Variants in PRKCE observed in about 807,000 individuals in gnomAD.
PRKCE encodes the protein protein kinase C epsilon, also known as protein kinase C epsilon type.
In PRKCE, 16 loss-of-function variants were observed where a neutral mutation model predicts 85.4. That is an observed-to-expected ratio of 0.19 (90% CI 0.13 to 0.28). The LOEUF (loss-of-function observed/expected upper bound fraction) is 0.28, where lower values mean the gene tolerates loss of function less well. Ranked by LOEUF, PRKCE falls within the 10% of genes least tolerant of loss-of-function variation. PRKCE has a pLI of 1.00. For synonymous variants in PRKCE, 388 were observed against 371.5 expected (o/e 1.04, Z -0.51); for missense variants, 573 against 975.2 (o/e 0.59, Z 5.49).
chr2:45,966,649 A>G (rs761300351), intron 2 of PRKCE, among the ~76,000 whole-genome samples: 4 of 152,068 alleles, frequency 2.6e-5, no homozygotes, highest in Admixed American at 6.5e-5. Flanking sequence ...GTTTTCCTCA[A>G]TCTAGTCCCA....
At chr2:45,780,451 C>G (rs1342660522) in intron 1 of PRKCE, among the ~76,000 whole-genome samples, 1 of 152,176 alleles carries the variant, frequency 6.6e-6, no homozygotes, top group African/African-American at 2.4e-5. Flanking sequence ...GTTCTAGGTG[C>G]TTGAGCAGAA....
chr2:45,832,045 A>G (rs553971753), intron 1 of PRKCE, among the ~76,000 whole-genome samples: 1 of 152,292 alleles, frequency 6.6e-6, no homozygotes, highest in Non-Finnish European at 1.5e-5. Flanking sequence ...ATAGTTTTTT[A>G]TAAAACTGTT....
chr2:45,661,615 G>T (rs185982566), intron 1 of PRKCE, among the ~76,000 whole-genome samples: 1 of 134,740 alleles, frequency 7.4e-6, no homozygotes, highest in Non-Finnish European at 1.5e-5. Flanking sequence ...TGCAAGCTCC[G>T]CCTCCCGGGT....
At chr2:45,839,686 G>A (rs1037221866) in intron 1 of PRKCE, among the ~76,000 whole-genome samples, 1 of 152,154 alleles carries the variant, frequency 6.6e-6, no homozygotes, top group African/African-American at 2.4e-5. Context: ...CAGAATTTAT[G>A]ATTAAACTAA....
chr2:45,748,816 A>T (rs1354245231), intron 1 of PRKCE, among the ~76,000 whole-genome samples: 1 of 152,054 alleles, frequency 6.6e-6, no homozygotes, highest in Non-Finnish European at 1.5e-5. Context: ...GCAATGAGAG[A>T]TGTTGTGCCT....
intron 2 of PRKCE, among the ~76,000 whole-genome samples, chr2:45,871,469 T>C (rs7585985): frequency 0.42 from 63,811 of 152,122 alleles, 14,043 homozygotes; most frequent in East Asian, 0.74. Context: ...TCCGTGGCTT[T>C]GCTTTCTCTT....
chr2:46,034,387 C>G lies in PRKCE; in HGVS notation c.1437+23870C>G, dbSNP rs1426859166. 2.0e-5 allele frequency among the ~76,000 whole-genome samples: 3 copies of G among 152,210 alleles called. No homozygotes were observed. In the East Asian group the frequency reaches 5.8e-4, roughly 29 times the overall value. ...TGATAGTGGTGATTAGGGCTCTTCCCCCTACTTTCGTAAGGAGGGGGCTGT... is the reference window on the plus strand; with the variant it reads ...TGATAGTGGTGATTAGGGCTCTTCCGCCTACTTTCGTAAGGAGGGGGCTGT... On this transcript the variant is annotated intron_variant, in intron 10 of 14. Transcript: ENST00000306156.
intron 1 of PRKCE, among the ~76,000 whole-genome samples, chr2:45,739,782 CTG>C (rs1366159963): frequency 7.2e-5 from 11 of 151,928 alleles, no homozygotes; most frequent in African/African-American, 2.7e-4. Flanking sequence ...GGTTACAAGA[CTG>C]TATATATTTG....
chr2:45,873,086 T>C (rs928732018), intron 2 of PRKCE, among the ~76,000 whole-genome samples: 2 of 152,214 alleles, frequency 1.3e-5, no homozygotes, highest in African/African-American at 4.8e-5. Context: ...CCTACCCAGA[T>C]ATACTTCTTT....
At chr2:45,892,507 A>G (rs10199068) in intron 2 of PRKCE, among the ~76,000 whole-genome samples, 1,976 of 152,230 alleles carry the variant, frequency 0.013, 40 homozygotes, top group African/African-American at 0.045. Flanking sequence ...GGACTCAGGC[A>G]AGCTGGAGTG....
chr2:46,183,089 A>G (rs997832475), intron 14 of PRKCE, among the ~76,000 whole-genome samples: 4 of 152,224 alleles, frequency 2.6e-5, no homozygotes, highest in Non-Finnish European at 5.9e-5. Flanking sequence ...AATAAATGCA[A>G]AGATTCTTTG....
chr2:46,125,680 CAATA>C (rs906398307), intron 11 of PRKCE, among the ~76,000 whole-genome samples: 1 of 152,070 alleles, frequency 6.6e-6, no homozygotes, highest in African/African-American at 2.4e-5. Flanking sequence ...TCATGCATGC[CAATA>C]AATACAGGCA....
intron 1 of PRKCE, among the ~76,000 whole-genome samples, chr2:45,674,230 C>T (rs671282): frequency 0.52 from 79,617 of 151,980 alleles, 21,977 homozygotes; most frequent in Admixed American, 0.63. Flanking sequence ...TGGGGCCCAG[C>T]CAGGATTCCT....
chr2:46,187,725 AAAG>A lies in PRKCE; in HGVS notation c.*2848_*2850del, dbSNP rs894215704. On this transcript the variant is annotated 3_prime_UTR_variant, in exon 15 of 15. Transcript: ENST00000306156. ...AATGCATTCTTGCTTTAAAAAAAAA[AAAG>A]AAGGCTAAAAAATTACCTCTTTTTA... 2.0e-5 allele frequency: 3 copies of A among 152,476 alleles called. No individual in the cohort carries two copies. The highest frequency in any genetic ancestry group is 2.9e-5 in the Non-Finnish European group (2 of 68,020). 9.4% of individuals were successfully genotyped at this position (152,476 alleles called of 1,614,324 possible). A position where few individuals can be genotyped will look rare whatever the true frequency, so the allele number is the denominator to read the frequency against.
chr2:46,156,028 CA>C (rs141274104), intron 13 of PRKCE, among the ~76,000 whole-genome samples: 18 of 112,098 alleles, frequency 1.6e-4, no homozygotes, highest in Admixed American at 5.3e-4. Flanking sequence ...ACTTCATGTA[CA>C]AAAAAAAATA....
chr2:45,996,460 G>T (rs1704225520), intron 6 of PRKCE, among the ~76,000 whole-genome samples: 1 of 152,070 alleles, frequency 6.6e-6, no homozygotes, highest in African/African-American at 2.4e-5. Flanking sequence ...TATGAAATTG[G>T]CTGTAGGGTT....
intron 2 of PRKCE, among the ~76,000 whole-genome samples, chr2:45,857,919 A>G (rs576269542): frequency 7.9e-5 from 12 of 152,370 alleles, no homozygotes; most frequent in Admixed American, 2.6e-4. Context: ...AAATGGTGCC[A>G]GGTAAAAATG....
chr2:45,902,354 C>G (rs1696642398), intron 2 of PRKCE, among the ~76,000 whole-genome samples: 1 of 152,120 alleles, frequency 6.6e-6, no homozygotes, highest in Non-Finnish European at 1.5e-5. Context: ...CAAAAGCCTG[C>G]CAATGCCCAG....
At chr2:45,889,493 ATG>A (rs1695554835) in intron 2 of PRKCE, among the ~76,000 whole-genome samples, 2 of 137,586 alleles carry the variant, frequency 1.5e-5, no homozygotes, top group African/African-American at 5.4e-5. Flanking sequence ...TGTCTGTGGC[ATG>A]TGTGTGTCAT....
Sources: gnomAD v4.1 joint callset for allele counts (sites outside exome capture counted in the v4.1 genomes callset) on GRCh38, gnomAD v4.1.1 for gene constraint, MANE v1.5 for transcripts, NCBI Gene and HGNC (gene_info 2026-07-23, HGNC 2026-07-21) for gene names.